Variants in ACAP1 observed in about 807,000 individuals in gnomAD.
ACAP1 encodes the protein arf-GAP with coiled-coil, ANK repeat and PH domain-containing protein 1.
A neutral mutation model predicts 98.8 loss-of-function variants in ACAP1; 45 were observed. The ratio of observed to expected loss-of-function variants is 0.46; its 90% CI spans 0.36 to 0.58. The LOEUF (loss-of-function observed/expected upper bound fraction) is 0.58. Ranked by LOEUF, ACAP1 falls within the 20% of genes least tolerant of loss-of-function variation. The pLI, the probability that ACAP1 is intolerant of heterozygous loss-of-function variation, is 0.00. For synonymous variants in ACAP1, 362 were observed against 375.3 expected, an observed-to-expected ratio of 0.96 and a Z score of 0.41; for missense variants, 735 against 971.4, an observed-to-expected ratio of 0.76 and a Z score of 3.24.
rs199879337 is a variant in ACAP1, at chr17:7,336,694, C to G, written c.-41C>G. ...GCCTCCACCTGCATCCCCAGGGGCC[C>G]GGCCTCCAGGGCCCGCTGGCCCCAC... On this transcript the variant is annotated 5_prime_UTR_variant, in exon 1 of 22. Coordinates refer to ENST00000158762, the MANE Select transcript of ACAP1 (RefSeq NM_014716.4). 1.9e-6 allele frequency: 3 copies of G among 1,612,088 alleles called. No homozygotes were observed. Among genetic ancestry groups the G allele is most frequent in the South Asian group, 2.2e-5 (2 of 91,054 alleles).
At chr17:7,342,156 G>C in intron 3 of ACAP1, 89 bp downstream of exon 3, 2 of 1,606,650 alleles carry the variant, frequency 1.2e-6, no homozygotes, top group Non-Finnish European at 1.7e-6. Flanking sequence ...GGGTCTGCAG[G>C]TTCCAGGCCA....
At chr17:7,348,023 A>C in intron 15 of ACAP1, 32 bp downstream of exon 15, 2 of 1,613,428 alleles carry the variant, frequency 1.2e-6, no homozygotes, top group Non-Finnish European at 1.7e-6. Context: ...ATTGGGGGCA[A>C]GAACTTGGGG....
rs1219047150 is a variant in ACAP1, at chr17:7,344,069, T to C, written c.690T>C (p.Asn230=). Residue 230 remains asparagine (N), a synonymous_variant, in exon 9 of 22, where the codon AAT becomes AAC. Coordinates refer to ENST00000158762, the MANE Select transcript of ACAP1 (RefSeq NM_014716.4). This position sits in a 1 kb window ranked among gnomAD's most constrained non-coding sequence, Gnocchi z 4.9. ...CCCAGTTGCACCAGCTGGTCTTGAA[T>C]TCAGCACGAGAGAAGAGGGACATGG... is the stretch of plus-strand genomic sequence containing the variant. ...LGAQLHQLVL[N]SAREKRDMEQ... 2 of 1,593,536 alleles carry C rather than the reference T, an allele frequency of 1.3e-6. No individual in the cohort carries two copies. The highest frequency in any genetic ancestry group is 1.7e-6 in the Non-Finnish European group (2 of 1,169,506).
Position 7,343,926 on chromosome 17 carries a change from G to T in ACAP1, c.639G>T (p.Leu213=), listed in dbSNP as rs111712739. The T allele has an allele frequency of 6.2e-7, 1 of 1,604,454 alleles. No homozygotes were observed. Among genetic ancestry groups the T allele is most frequent in the African/African-American group, 1.3e-5 (1 of 74,764 alleles). The stretch of plus-strand genomic sequence containing the variant: ...AGGGCCATGAGGAGCTGAGCCGGCT[G>T]TCCCAGTATCGAAAGGAGCTGGGCG... The part of the protein sequence containing the change: ...FQQGHEELSR[L]SQYRKELGAQ... Residue 213 remains leucine (L), a synonymous_variant, in exon 8 of 22, where the codon CTG becomes CTT. Coordinates refer to ENST00000158762, the MANE Select transcript of ACAP1 (RefSeq NM_014716.4). This position sits in a 1 kb window ranked among gnomAD's most constrained non-coding sequence, Gnocchi z 4.9.
At chr17:7,347,451 GC>G in intron 14 of ACAP1, 1 of 557,934 alleles carries the variant, frequency 1.8e-6, no homozygotes, top group African/African-American at 1.9e-5. Context: ...TCCTAGTCTG[GC>G]CAGAATTGGG....
Position 7,343,109 on chromosome 17 carries a change from T to C in ACAP1, c.345-270T>C, listed in dbSNP as rs979766960. 1.5e-4 allele frequency: 56 copies of C among 382,478 alleles called. No homozygotes were observed. Among genetic ancestry groups the C allele is most frequent in the African/African-American group, 1.0e-3 (49 of 48,252 alleles). The allele number at this position is 382,478 out of a possible 1,614,324, so 23.7% of individuals were successfully genotyped here. A position where few individuals can be genotyped will look rare whatever the true frequency, so the allele number is the denominator to read the frequency against. Reference sequence around the variant, plus strand: ...ACAAAAACAACAACAACAACAAAAATTTTTTAAAGGGGGAGTGAGATGGGA... The same window carrying C: ...ACAAAAACAACAACAACAACAAAAACTTTTTAAAGGGGGAGTGAGATGGGA... On this transcript the variant is annotated intron_variant, in intron 5 of 21. Coordinates refer to ENST00000158762, the MANE Select transcript of ACAP1 (RefSeq NM_014716.4). This position sits in a 1 kb window ranked among gnomAD's most constrained non-coding sequence, Gnocchi z 4.9.
chr17:7,348,410 G>C lies in ACAP1; in HGVS notation c.1613G>C (p.Gly538Ala), dbSNP rs772007190. The change falls in exon 17 of 22, where the codon GGG becomes GCG. Residue 538 changes from glycine to alanine, a missense_variant. Physicochemically the swap from Gly to Ala is moderately conservative, Grantham distance 60. This residue lies in a region of ACAP1 where 80 missense variants were observed against 64.4 expected (regional missense o/e 1.24). Coordinates refer to ENST00000158762, the MANE Select transcript of ACAP1 (RefSeq NM_014716.4). ...GRRGGRGRPR[G>A]QPPVPPKPSI... is the part of the protein sequence containing the mutation. ...AGAGGTGGCCGGGGGCGCCCAAGGG[G>C]GCAGCCTCCTGTGCCCCCAAAGCCT... The C allele has an allele frequency of 3.3e-5, 51 of 1,538,200 alleles. No homozygotes were observed. The highest frequency in any genetic ancestry group is 3.5e-5 in the Non-Finnish European group (40 of 1,143,226).
At chr17:7,346,620 T>A in intron 12 of ACAP1, 129 bp downstream of exon 12, 1 of 1,165,652 alleles carries the variant, frequency 8.6e-7, no homozygotes. Flanking sequence ...GCGGCTGGAC[T>A]GGGGGGCCAT....
At position 7,344,125 on chromosome 17, in the gene ACAP1, TG is replaced by T; in HGVS notation, c.744+3del. 1 of 1,568,644 alleles carries T rather than the reference TG, an allele frequency of 6.4e-7. No homozygotes were observed. Among genetic ancestry groups the T allele is most frequent in the Non-Finnish European group, 8.6e-7 (1 of 1,156,518 alleles). On this transcript the variant is annotated splice_donor_region_variant and intron_variant, in intron 9 of 21. Coordinates refer to ENST00000158762, the MANE Select transcript of ACAP1 (RefSeq NM_014716.4). The surrounding 1 kb of genome is among the most constrained non-coding windows in gnomAD (Gnocchi z 4.9). The stretch of plus-strand genomic sequence containing the variant: ...AGACACGTGCTGCTGAAACAGAAGG[TG>T]AGGGGCCAGGTGCGGTGGCCCACGA...
intron 1 of ACAP1, 109 bp from the exon 2 acceptor site, chr17:7,337,203 C>A (rs1257813315): frequency 7.7e-6 from 8 of 1,033,246 alleles, no homozygotes; most frequent in African/African-American, 4.8e-5. Context: ...AGCCTCTCAA[C>A]TCTGCAGCTT....
intron 12 of ACAP1, 25 bp from the exon 13 acceptor site, chr17:7,346,783 C>A: frequency 6.2e-7 from 1 of 1,601,710 alleles, no homozygotes; most frequent in Non-Finnish European, 8.5e-7. Flanking sequence ...GACCCCTCTG[C>A]CATCTCCCTC....
chr17:7,351,474 C>A lies in ACAP1; in HGVS notation c.*79C>A. The A allele has an allele frequency of 2.7e-6, 3 of 1,117,974 alleles. No homozygotes were observed. The highest frequency in any genetic ancestry group is 2.8e-5 in the South Asian group (2 of 70,838). 69.3% of individuals were successfully genotyped at this position (1,117,974 alleles called of 1,614,324 possible). On this transcript the variant is annotated 3_prime_UTR_variant, in exon 22 of 22. Coordinates refer to ENST00000158762, the MANE Select transcript of ACAP1 (RefSeq NM_014716.4). ...GCCATTAAAGCCTCCGTGCTTCGCT[C>A]TTCCCTTCTGGTTCACTTCTTGGGC...
At position 7,348,001 on chromosome 17, in the gene ACAP1, C is replaced by T. The variant is rs371108588; in HGVS notation, c.1413+10C>T. 365 of 1,613,870 alleles carry T rather than the reference C, an allele frequency of 2.3e-4. No individual in the cohort carries two copies. The highest frequency in any genetic ancestry group is 3.0e-4 in the Non-Finnish European group (350 of 1,179,838). ...GCCAGAACTAGTGAAGGTAACTTAG[C>T]GTATTGTGAAGATTGGGGGCAAGAA... On this transcript the variant is annotated intron_variant, in intron 15 of 21. Coordinates refer to ENST00000158762, the MANE Select transcript of ACAP1 (RefSeq NM_014716.4).
chr17:7,350,344 G>C lies in ACAP1; in HGVS notation c.2072+107G>C. Reference sequence around the variant, plus strand: ...TGACGCCGAAACAGAAGCCTGTGCTGTGGGGCCTCGGAAAGGGGCTGGGCC... The same window carrying C: ...TGACGCCGAAACAGAAGCCTGTGCTCTGGGGCCTCGGAAAGGGGCTGGGCC... On this transcript the variant is annotated intron_variant, in intron 20 of 21. Coordinates refer to ENST00000158762, the MANE Select transcript of ACAP1 (RefSeq NM_014716.4). This position sits in a 1 kb window ranked among gnomAD's most constrained non-coding sequence, Gnocchi z 4.6. 2 of 891,358 alleles carry C rather than the reference G, an allele frequency of 2.2e-6. No homozygotes were observed. The highest frequency in any genetic ancestry group is 3.4e-4 in the Middle Eastern group (1 of 2,906). 55.2% of individuals were successfully genotyped at this position (891,358 alleles called of 1,614,324 possible). A position where few individuals can be genotyped will look rare whatever the true frequency, so the allele number is the denominator to read the frequency against.
At position 7,348,215 on chromosome 17, in the gene ACAP1, G is replaced by A; in HGVS notation, c.1502G>A (p.Cys501Tyr). 1 of 1,613,682 alleles carries A rather than the reference G, an allele frequency of 6.2e-7. No homozygotes were observed. The highest frequency in any genetic ancestry group is 8.5e-7 in the Non-Finnish European group (1 of 1,179,768). ...AMAVKKPGPS[C>Y]SRQEKEAWIH... ...GCAGTGAAGAAACCAGGGCCCAGCT[G>A]CTCCCGGTGAGCTTGGGGTTTAGCC... Residue 501 changes from cysteine to tyrosine, a missense_variant, in exon 16 of 22, where the codon TGC (cysteine) becomes TAC (tyrosine). By Grantham distance (194) the Cys-to-Tyr change is radical. Transcript: ENST00000158762.
rs891746112 is a variant in ACAP1 at position 7,349,076 on chromosome 17, C to T, written c.1760C>T (p.Thr587Ile). Residue 587 changes from threonine (T) to isoleucine (I), a missense_variant, in exon 18 of 22, where the codon ACC becomes ATC. Coordinates refer to ENST00000158762, the MANE Select transcript of ACAP1 (RefSeq NM_014716.4). ...RASGHPPSLP[T>I]MADALAHGAD... ...TCTGGGCATCCTCCATCTCTTCCCA[C>T]CATGGCTGATGCCCTTGCCCATGGA... 1 of 1,614,086 alleles carries T rather than the reference C, an allele frequency of 6.2e-7. No homozygotes were observed. Among genetic ancestry groups the T allele is most frequent in the Middle Eastern group, 1.7e-4 (1 of 6,058 alleles).
chr17:7,346,485 C>A lies in ACAP1; in HGVS notation c.1001C>A (p.Thr334Asn). 1 of 1,605,526 alleles carries A rather than the reference C, an allele frequency of 6.2e-7. No homozygotes were observed. The highest frequency in any genetic ancestry group is 1.7e-5 in the Admixed American group (1 of 58,546). Residue 334 changes from threonine (T) to asparagine (N), a missense_variant, in exon 12 of 22, where the codon ACC (threonine) becomes AAC (asparagine). Coordinates refer to ENST00000158762, the MANE Select transcript of ACAP1 (RefSeq NM_014716.4). ...ERRFCFEVVS[T>N]SKSCLLQADS... is the part of the protein sequence containing the mutation. ...CGGTTCTGCTTTGAGGTGGTGTCCA[C>A]CAGCAAGTGAGTGCAATCCCCAGGG...
intron 2 of ACAP1, among the ~76,000 whole-genome samples, chr17:7,341,548 G>C (rs1001820162): frequency 3.3e-5 from 5 of 152,176 alleles, no homozygotes; most frequent in African/African-American, 1.2e-4. Context: ...GGCCAATACT[G>C]TAGAATTTAA....
Position 7,349,923 on chromosome 17 carries a change from C to T in ACAP1, c.1852-22C>T, listed in dbSNP as rs1023495092. 5 of 1,573,178 alleles carry T rather than the reference C, an allele frequency of 3.2e-6. No homozygotes were observed. The South Asian group carries it at 4.6e-5, about 14-fold the overall frequency. On this transcript the variant is annotated intron_variant, in intron 18 of 21. Coordinates refer to ENST00000158762, the MANE Select transcript of ACAP1 (RefSeq NM_014716.4). ...CACTAGGGATGCCACCCTCAACCCC[C>T]CTTCTCGACTTCTCCATGCAGAATT...
Sources: allele counts gnomAD v4.1 joint callset (sites outside exome capture counted in the v4.1 genomes callset), GRCh38; gene constraint gnomAD v4.1.1; regional missense constraint gnomAD v4.1.1; non-coding constraint Gnocchi (gnomAD v3.1); transcripts MANE v1.5; gene names NCBI Gene and HGNC (gene_info 2026-07-23, HGNC 2026-07-21).